RPS6KA2: variants seen among roughly 807,000 people sequenced by gnomAD.
The protein encoded by RPS6KA2 is ribosomal protein S6 kinase A2.
In RPS6KA2, 42 loss-of-function variants were observed where a neutral mutation model predicts 91.8. That is an observed-to-expected ratio of 0.46 (90% confidence interval 0.36 to 0.59). RPS6KA2 has a LOEUF of 0.59. Ranked by LOEUF, RPS6KA2 falls within the 20% of genes least tolerant of loss-of-function variation. The probability of loss-of-function intolerance (pLI) is 0.00; values close to 1 mark genes in which losing one functional copy is unlikely to be tolerated. For missense variants in RPS6KA2, 798 were observed against 978.5 expected, an observed-to-expected ratio of 0.82 and a Z score of 2.46; for synonymous variants, 414 against 393.6, an observed-to-expected ratio of 1.05 and a Z score of -0.61.
intron 2 of RPS6KA2, among the ~76,000 whole-genome samples, chr6:166,756,355 T>C (rs1357261941): frequency 6.6e-6 from 1 of 152,212 alleles, no homozygotes; most frequent in Non-Finnish European, 1.5e-5. Flanking sequence ...CAAAATAATG[T>C]CATACCCATG....
intron 2 of RPS6KA2, among the ~76,000 whole-genome samples, chr6:166,838,798 T>C (rs1190358218): frequency 7.3e-6 from 1 of 137,704 alleles, no homozygotes; most frequent in South Asian, 2.1e-4. Flanking sequence ...CCTGTGAGAA[T>C]GGTATGCGGC....
Position 166,641,498 on chromosome 6 carries a change from C to T in RPS6KA2, c.124-102714G>A, listed in dbSNP as rs558869168. On this transcript the variant is annotated intron_variant, in intron 2 of 21. Coordinates refer to the RPS6KA2 transcript ENST00000503859. ...CAGCACTTTGGGAGGCTGAGGTGGG[C>T]GGATCACTTGAAGTCAGGAGTTCAA... Among the ~76,000 whole-genome samples the T allele has an allele frequency of 5.9e-5, 9 of 151,476 alleles. No homozygotes were observed. In the South Asian group the frequency reaches 6.3e-4, roughly 11 times the overall value.
chr6:166,726,489 G>C lies in RPS6KA2; in HGVS notation c.123+131711C>G, dbSNP rs560726873. Among the ~76,000 whole-genome samples, 1 of 152,276 alleles carries C rather than the reference G, an allele frequency of 6.6e-6. No individual in the cohort carries two copies. Among genetic ancestry groups the C allele is most frequent in the African/African-American group, 2.4e-5 (1 of 41,572 alleles). ...TCACCAATGATCATTCCCCAAGTCA[G>C]AGACATGGAAGGGAAATGAAAGAAG... On this transcript the variant is annotated intron_variant, in intron 2 of 21. Coordinates refer to the RPS6KA2 transcript ENST00000503859. The surrounding 1 kb of genome is among the most constrained non-coding windows in gnomAD (Gnocchi z 4.4).
In RPS6KA2 at chr6:166,497,829, T is replaced by A. The variant is rs547821208; in HGVS notation, c.747+679A>T. On this transcript the variant is annotated intron_variant, in intron 8 of 20. Transcript: ENST00000265678. ...AGTGCTCATGGCCTCAGTTTCCTCCTGTGTGTGATGCACAGGCCGGAGGGC... is the reference window on the plus strand; with the variant it reads ...AGTGCTCATGGCCTCAGTTTCCTCCAGTGTGTGATGCACAGGCCGGAGGGC... Among the ~76,000 whole-genome samples, 17 of 152,334 alleles carry A rather than the reference T, an allele frequency of 1.1e-4. No individual in the cohort carries two copies. In the East Asian group the frequency reaches 2.7e-3, roughly 24 times the overall value.
chr6:166,741,664 C>T (rs1345500402), intron 2 of RPS6KA2, among the ~76,000 whole-genome samples: 1 of 152,204 alleles, frequency 6.6e-6, no homozygotes, highest in Non-Finnish European at 1.5e-5. Flanking sequence ...GCAGTCATAC[C>T]CAATGGGTGG....
chr6:166,741,571 G>T (rs896342644), intron 2 of RPS6KA2, among the ~76,000 whole-genome samples: 3 of 152,198 alleles, frequency 2.0e-5, no homozygotes, highest in African/African-American at 7.2e-5. Flanking sequence ...ATTGAATTAG[G>T]ATCATTAGAG....
chr6:166,812,242 G>A (rs144707410), intron 2 of RPS6KA2, among the ~76,000 whole-genome samples: 2,413 of 152,314 alleles, frequency 0.016, 23 homozygotes, highest in Non-Finnish European at 0.021. Flanking sequence ...TGTAATACCA[G>A]CTACTCAGGA....
At chr6:166,716,493 G>A (rs990128139) in intron 2 of RPS6KA2, among the ~76,000 whole-genome samples, 34 of 152,100 alleles carry the variant, frequency 2.2e-4, no homozygotes, top group African/African-American at 8.2e-4. Flanking sequence ...TGAATGAAAC[G>A]ACGTCATTTG....
At position 166,791,125 on chromosome 6, in the gene RPS6KA2, T is replaced by C. The variant is rs556702345; in HGVS notation, c.123+67075A>G. ...TGCTGTATTCAGGAGAACCATCTCATGTGCAGAGACACACATAGGCTCAAA... is the reference window on the plus strand; with the variant it reads ...TGCTGTATTCAGGAGAACCATCTCACGTGCAGAGACACACATAGGCTCAAA... On this transcript the variant is annotated intron_variant, in intron 2 of 21. Coordinates refer to the RPS6KA2 transcript ENST00000503859. Among the ~76,000 whole-genome samples, 427 of 152,122 alleles carry C rather than the reference T, an allele frequency of 2.8e-3. 1 individual carries two copies. Among genetic ancestry groups the C allele is most frequent in the Non-Finnish European group, 4.9e-3 (336 of 68,008 alleles).
intron 2 of RPS6KA2, among the ~76,000 whole-genome samples, chr6:166,657,960 C>T (rs1240484935): frequency 2.6e-5 from 4 of 152,256 alleles, no homozygotes; most frequent in East Asian, 3.9e-4. Context: ...CTCGGCTCAC[C>T]GCAACTTCCA....
chr6:166,858,542 C>A (rs576232286), intron 1 of RPS6KA2, among the ~76,000 whole-genome samples: 1 of 152,300 alleles, frequency 6.6e-6, no homozygotes, highest in Non-Finnish European at 1.5e-5. Context: ...GTGTGACTTA[C>A]GGTACAATCT....
At chr6:166,797,245 G>T (rs1779250793) in intron 2 of RPS6KA2, among the ~76,000 whole-genome samples, 1 of 152,198 alleles carries the variant, frequency 6.6e-6, no homozygotes, top group Admixed American at 6.5e-5. Context: ...AGGATGGCAG[G>T]GGCAAGGCAC....
At chr6:166,747,292 C>T (rs1464165271) in intron 2 of RPS6KA2, among the ~76,000 whole-genome samples, 1 of 152,158 alleles carries the variant, frequency 6.6e-6, no homozygotes, top group East Asian at 1.9e-4. Context: ...GGACACTCAT[C>T]ACTTCACCGA....
intron 1 of RPS6KA2, among the ~76,000 whole-genome samples, chr6:166,615,541 C>G (rs916291542): frequency 2.6e-5 from 4 of 152,136 alleles, no homozygotes; most frequent in African/African-American, 9.7e-5. Context: ...ACCTGCTGAC[C>G]CCCTGGGGCC....
intron 2 of RPS6KA2, chr6:166,701,615 C>A (rs1450607760): frequency 7.5e-7 from 1 of 1,326,004 alleles, no homozygotes; most frequent in East Asian, 2.3e-5. Context: ...TGAACAGTCT[C>A]GGATTCTGAT....
intron 20 of RPS6KA2, 146 bp from the exon 21 acceptor site, chr6:166,413,033 G>T: frequency 1.2e-6 from 1 of 866,738 alleles, no homozygotes. Flanking sequence ...ATGGAGTGCT[G>T]TTAGCCTGCC....
intron 2 of RPS6KA2, among the ~76,000 whole-genome samples, chr6:166,785,750 A>C (rs923606122): frequency 2.6e-5 from 4 of 152,232 alleles, no homozygotes; most frequent in African/African-American, 4.8e-5. Context: ...GCTTCCAGGC[A>C]TCTTGTTTCT....
intron 16 of RPS6KA2, among the ~76,000 whole-genome samples, chr6:166,425,122 T>C (rs576300076): frequency 3.9e-5 from 6 of 152,288 alleles, no homozygotes; most frequent in African/African-American, 1.4e-4. Flanking sequence ...CAGAATAATC[T>C]CTATAACAAA....
chr6:166,534,845 T>C (rs1202762448), intron 2 of RPS6KA2, among the ~76,000 whole-genome samples: 1 of 152,254 alleles, frequency 6.6e-6, no homozygotes, highest in Non-Finnish European at 1.5e-5. Flanking sequence ...GCTGCCTGAC[T>C]CGCAAGCACA....
Sources: allele counts gnomAD v4.1 joint callset (sites outside exome capture counted in the v4.1 genomes callset), GRCh38; gene constraint gnomAD v4.1.1; non-coding constraint Gnocchi (gnomAD v3.1); transcripts MANE v1.5; gene names NCBI Gene and HGNC (gene_info 2026-07-23, HGNC 2026-07-21).